The following WSCD1 variants were observed in gnomAD, a reference collection of about 807,000 sequenced individuals.
WSCD1 encodes WSC domain sialate O sulfotransferase 1.
Under a neutral mutation model 60.4 loss-of-function variants are expected in WSCD1, and 41 were observed. The ratio of observed to expected loss-of-function variants is 0.68; its 90% confidence interval spans 0.53 to 0.88. The LOEUF is 0.88. Ranked by LOEUF, WSCD1 falls within the 40% of genes least tolerant of loss-of-function variation. The probability of loss-of-function intolerance (pLI) is 0.00; values close to 1 mark genes in which losing one functional copy is unlikely to be tolerated. For synonymous variants in WSCD1, 361 were observed against 332.5 expected (o/e 1.09, Z -0.93); for missense variants, 784 against 796.2 (o/e 0.98, Z 0.18).
rs1463580330 is a variant in WSCD1, at chr17:6,110,150, C to T, written c.1009+384C>T. 6.6e-6 allele frequency among the ~76,000 whole-genome samples: 1 copy of T among 152,070 alleles called. No individual in the cohort carries two copies. The highest frequency in any genetic ancestry group is 1.5e-5 in the Non-Finnish European group (1 of 68,012). ...CACTGGTGCCTCCAGGACCTGGGAA[C>T]CCTCCTTGGTGTGAGCATCAGGTCT... On this transcript the variant is annotated intron_variant, in intron 6 of 8. Transcript: ENST00000317744. The surrounding 1 kb of genome is among the most constrained non-coding windows in gnomAD (Gnocchi z 4.8).
intron 4 of WSCD1, among the ~76,000 whole-genome samples, chr17:6,092,170 A>T (rs1910100053): frequency 1.3e-5 from 2 of 151,574 alleles, no homozygotes; most frequent in African/African-American, 4.8e-5. Context: ...AAAAAAAAAA[A>T]AAAAGGTATT....
At chr17:6,096,394 C>T (rs1910431467) in intron 5 of WSCD1, among the ~76,000 whole-genome samples, 1 of 152,146 alleles carries the variant, frequency 6.6e-6, no homozygotes, top group South Asian at 2.1e-4. Context: ...CCCGCTCTCC[C>T]TGCTTCATGT....
chr17:6,088,001 G>A lies in WSCD1; in HGVS notation c.439G>A (p.Gly147Arg), dbSNP rs2150540692. The A allele has an allele frequency of 6.2e-7, 1 of 1,613,812 alleles. No individual in the cohort carries two copies. The highest frequency in any genetic ancestry group is 1.3e-5 in the African/African-American group (1 of 75,050). Reference protein sequence around the residue: ...PAIHSRGTYIGCFSDDGHERT... With the variant: ...PAIHSRGTYIRCFSDDGHERT... ...TTCCCTTTCTGCAGGCACCTACATTGGATGCTTCAGTGACGATGGCCACGA... is the reference window on the plus strand; with the variant it reads ...TTCCCTTTCTGCAGGCACCTACATTAGATGCTTCAGTGACGATGGCCACGA... Residue 147 changes from glycine to arginine, a missense_variant, in exon 3 of 9, where the codon GGA becomes AGA. Physicochemically the swap from Gly to Arg is moderately radical, Grantham distance 125 (BLOSUM62 -2). Coordinates refer to ENST00000317744, the MANE Select transcript of WSCD1 (RefSeq NM_015253.2).
chr17:6,120,968 A>G lies in WSCD1; in HGVS notation c.*307A>G. The G allele has an allele frequency of 2.4e-6, 1 of 412,298 alleles. No individual in the cohort carries two copies. The allele number at this position is 412,298 out of a possible 1,614,324, so 25.5% of individuals were successfully genotyped here. A position where few individuals can be genotyped will look rare whatever the true frequency, so the allele number is the denominator to read the frequency against. The stretch of plus-strand genomic sequence containing the variant: ...CGTGGGGTGTGCCAGGCACCCCCAG[A>G]TACAAATGCAGCCACGCACAGACGT... On this transcript the variant is annotated 3_prime_UTR_variant, in exon 9 of 9. Transcript: ENST00000317744.
intron 4 of WSCD1, among the ~76,000 whole-genome samples, chr17:6,092,154 CAAAAA>C (rs71372642): frequency 1.5e-5 from 1 of 65,666 alleles, no homozygotes; most frequent in Middle Eastern, 8.3e-3. Context: ...ACTCTGTCTC[CAAAAA>C]AAAAAAAAAA....
At chr17:6,087,936 G>C (rs1909763626) in intron 2 of WSCD1, 54 bp from the exon 3 acceptor site, 1 of 1,453,708 alleles carries the variant, frequency 6.9e-7, no homozygotes, top group Non-Finnish European at 9.6e-7. Flanking sequence ...TTTTCCTAAG[G>C]GTGGGCCCAT....
rs2150576142 is a variant in WSCD1, at chr17:6,122,668, G to C, written c.*2007G>C. The C allele has an allele frequency of 6.5e-6, 1 of 152,790 alleles. No homozygotes were observed. The highest frequency in any genetic ancestry group is 1.5e-5 in the Non-Finnish European group (1 of 68,450). The allele number at this position is 152,790 out of a possible 1,614,324, so 9.5% of individuals were successfully genotyped here. A position where few individuals can be genotyped will look rare whatever the true frequency, so the allele number is the denominator to read the frequency against. ...GAGGCTGGGAAGGGCAAAGTGTGGA[G>C]AGAGGAGTGACCGGGACTGGAGCCA... On this transcript the variant is annotated 3_prime_UTR_variant, in exon 9 of 9. Coordinates refer to ENST00000317744, the MANE Select transcript of WSCD1 (RefSeq NM_015253.2).
At chr17:6,100,062 T>A (rs1444840392) in intron 5 of WSCD1, among the ~76,000 whole-genome samples, 1 of 152,138 alleles carries the variant, frequency 6.6e-6, no homozygotes, top group Non-Finnish European at 1.5e-5. Context: ...TGTGGCACTT[T>A]ATAGCTGCAG....
chr17:6,069,149 C>G, upstream of WSCD1: 1 of 398,584 alleles, frequency 2.5e-6, no homozygotes, highest in Non-Finnish European at 4.4e-6. Context: ...GCACCACCAC[C>G]TGCTCCTGCT....
intron 5 of WSCD1, among the ~76,000 whole-genome samples, chr17:6,097,460 C>T (rs747376026): frequency 1.2e-4 from 18 of 152,208 alleles, no homozygotes; most frequent in African/African-American, 2.2e-4. Context: ...TAACAAGCCC[C>T]GCAGCCGGGC....
rs181360724 is a variant in WSCD1, at chr17:6,087,429, G to A, written c.428-561G>A. On this transcript the variant is annotated intron_variant, in intron 2 of 8. Coordinates refer to ENST00000317744, the MANE Select transcript of WSCD1 (RefSeq NM_015253.2). Reference sequence around the variant, plus strand: ...TGCTCCCATTCTTAACAGACTCTGCGGACACACTCCAGAGATGGGGTCTTA... The same window carrying A: ...TGCTCCCATTCTTAACAGACTCTGCAGACACACTCCAGAGATGGGGTCTTA... Among the ~76,000 whole-genome samples the A allele has an allele frequency of 7.9e-5, 12 of 152,264 alleles. No homozygotes were observed. The South Asian group carries it at 1.0e-3, about 13-fold the overall frequency.
chr17:6,095,094 T>TC lies in WSCD1; in HGVS notation c.728-3dup. On this transcript the variant is annotated splice_region_variant and splice_polypyrimidine_tract_variant and intron_variant, in intron 4 of 8. Transcript: ENST00000317744. ...TCTCTTACCAGAAACCCCTCTCTTT[T>TC]CCCCCAGGGCGGACCGCCACCTACC... 6.2e-7 allele frequency: 1 copy of TC among 1,604,952 alleles called. No individual in the cohort carries two copies. Among genetic ancestry groups the TC allele is most frequent in the East Asian group, 2.3e-5 (1 of 44,362 alleles).
rs1401828300 is a variant in WSCD1 at position 6,110,581 on chromosome 17, G to A, written c.1010-190G>A. On this transcript the variant is annotated intron_variant, in intron 6 of 8. Transcript: ENST00000317744. The surrounding 1 kb of genome is among the most constrained non-coding windows in gnomAD (Gnocchi z 4.8). The stretch of plus-strand genomic sequence containing the variant: ...GCAGTATTGCAGGCCTCATTACGGG[G>A]CTTTCTCGGACTGGCCACAGACCTG... Among the ~76,000 whole-genome samples the A allele has an allele frequency of 6.6e-6, 1 of 152,118 alleles. No individual in the cohort carries two copies. Among genetic ancestry groups the A allele is most frequent in the Non-Finnish European group, 1.5e-5 (1 of 68,026 alleles).
chr17:6,081,208 G>A, intron 2 of WSCD1, 123 bp downstream of exon 2: 1 of 1,219,724 alleles, frequency 8.2e-7, no homozygotes, highest in East Asian at 2.6e-5. Flanking sequence ...CTTTCCTTCT[G>A]CTCTGCAGGA....
intron 2 of WSCD1, among the ~76,000 whole-genome samples, chr17:6,083,730 G>C (rs1909433463): frequency 6.6e-6 from 1 of 152,184 alleles, no homozygotes; most frequent in Non-Finnish European, 1.5e-5. Flanking sequence ...AGTGAGCCGA[G>C]ATCGCGCCAC....
chr17:6,072,801 G>A (rs1261665340), intron 1 of WSCD1, among the ~76,000 whole-genome samples: 1 of 152,126 alleles, frequency 6.6e-6, no homozygotes, highest in East Asian at 1.9e-4. Context: ...TTTGACAATC[G>A]TGCTGACATA....
In WSCD1 at chr17:6,072,479, C is replaced by G. The variant is rs1368951812; in HGVS notation, c.-289+1827C>G. Among the ~76,000 whole-genome samples the G allele has an allele frequency of 2.6e-5, 4 of 152,322 alleles. No homozygotes were observed. In the South Asian group the frequency reaches 6.2e-4, roughly 24 times the overall value. On this transcript the variant is annotated intron_variant, in intron 1 of 8. Transcript: ENST00000317744. ...GTGGTGTTTCTCATTATAGAAGCTCCAAGCTTGTACTCCCATCCAGCTCAG... is the reference window on the plus strand; with the variant it reads ...GTGGTGTTTCTCATTATAGAAGCTCGAAGCTTGTACTCCCATCCAGCTCAG...
At chr17:6,098,183 A>C in intron 5 of WSCD1, among the ~76,000 whole-genome samples, 1 of 151,338 alleles carries the variant, frequency 6.6e-6, no homozygotes, top group African/African-American at 2.4e-5. Flanking sequence ...AGTTGCCCAG[A>C]CTGGTCTTGA....
chr17:6,120,278 C>G (rs376673104), intron 8 of WSCD1, 31 bp from the exon 9 acceptor site: 6 of 1,595,094 alleles, frequency 3.8e-6, no homozygotes, highest in African/African-American at 2.7e-5. Flanking sequence ...GGCCAGCCCC[C>G]GACTCTGCAT....
Sources: allele counts gnomAD v4.1 joint callset (sites outside exome capture counted in the v4.1 genomes callset), GRCh38; gene constraint gnomAD v4.1.1; non-coding constraint Gnocchi (gnomAD v3.1); transcripts MANE v1.5; gene names NCBI Gene and HGNC (gene_info 2026-07-23, HGNC 2026-07-21).